Variants in ALK observed in about 807,000 individuals in gnomAD.
ALK encodes the protein ALK tyrosine kinase receptor.
ALK carries 74 observed loss-of-function variants against 163.1 expected under a neutral mutation model. The ratio of observed to expected loss-of-function variants is 0.45; its 90% confidence interval spans 0.38 to 0.55. ALK has a LOEUF of 0.55. Ranked by LOEUF, ALK falls within the 20% of genes least tolerant of loss-of-function variation. The probability of loss-of-function intolerance (pLI) is 0.00; values close to 1 mark genes in which losing one functional copy is unlikely to be tolerated. For missense variants in ALK, 2,063 were observed against 2,105.3 expected (o/e 0.98, Z 0.39); for synonymous variants, 960 against 843.2 (o/e 1.14, Z -2.40).
At position 29,920,183 on chromosome 2, in the gene ALK, C is replaced by T. The variant is rs770771709; in HGVS notation, c.477G>A (p.Gly159=). The T allele has an allele frequency of 1.9e-6, 3 of 1,613,338 alleles. No individual in the cohort carries two copies. Among genetic ancestry groups the T allele is most frequent in the African/African-American group, 1.3e-5 (1 of 74,956 alleles). The change falls in exon 1 of 29, where the codon GGG becomes GGA. Residue 159 remains glycine, a synonymous_variant. Transcript: ENST00000389048. ...AILEGCVGPP[G]EAAVGLLQFN... is the part of the protein sequence containing the mutation. Reference sequence around the variant, plus strand: ...ACTGGAGCAGCCCCACAGCCGCCTCCCCGGGGGGCCCGACGCAACCCTCCA... The same window carrying T: ...ACTGGAGCAGCCCCACAGCCGCCTCTCCGGGGGGCCCGACGCAACCCTCCA...
chr2:29,819,322 A>G (rs1222365304), intron 1 of ALK, among the ~76,000 whole-genome samples: 1 of 152,212 alleles, frequency 6.6e-6, no homozygotes, highest in Admixed American at 6.5e-5. Flanking sequence ...ACTACTGCCT[A>G]GGTTTGCTCT....
chr2:29,770,040 G>A (rs999467216), intron 1 of ALK, among the ~76,000 whole-genome samples: 1 of 152,240 alleles, frequency 6.6e-6, no homozygotes, highest in Admixed American at 6.5e-5. Flanking sequence ...CATTCAAGAA[G>A]CAGCTGGATC....
chr2:29,253,137 C>T (rs1172017853), intron 11 of ALK, among the ~76,000 whole-genome samples: 4 of 152,142 alleles, frequency 2.6e-5, no homozygotes, highest in Non-Finnish European at 5.9e-5. Context: ...GGATTATGGG[C>T]ATGAATTACC....
chr2:29,235,254 A>G (rs945674439), intron 13 of ALK, among the ~76,000 whole-genome samples: 2 of 152,244 alleles, frequency 1.3e-5, no homozygotes, highest in African/African-American at 4.8e-5. Context: ...CTTAATAGAA[A>G]AAAAGCCAGT....
At chr2:29,697,528 G>A (rs1004042138) in intron 2 of ALK, among the ~76,000 whole-genome samples, 3 of 152,150 alleles carry the variant, frequency 2.0e-5, no homozygotes, top group African/African-American at 4.8e-5. Flanking sequence ...GAAGAACTTT[G>A]CCATGGCGGG....
intron 12 of ALK, among the ~76,000 whole-genome samples, chr2:29,243,346 C>G (rs181881374): frequency 2.0e-5 from 3 of 152,316 alleles, no homozygotes; most frequent in African/African-American, 7.2e-5. Flanking sequence ...TTATTTACCC[C>G]CGCTCTGAGC....
intron 1 of ALK, among the ~76,000 whole-genome samples, chr2:29,730,209 T>C (rs989626068): frequency 6.6e-6 from 1 of 151,934 alleles, no homozygotes; most frequent in Non-Finnish European, 1.5e-5. Flanking sequence ...TGGGAGATGC[T>C]GGGATGTGAG....
At chr2:29,527,721 C>T (rs1284327954) in intron 4 of ALK, among the ~76,000 whole-genome samples, 2 of 152,084 alleles carry the variant, frequency 1.3e-5, no homozygotes, top group Non-Finnish European at 2.9e-5. Context: ...CGCTATGTTG[C>T]CCAGGCTGGT....
intron 3 of ALK, among the ~76,000 whole-genome samples, chr2:29,622,694 T>A (rs1227273320): frequency 6.6e-6 from 1 of 152,136 alleles, no homozygotes; most frequent in East Asian, 1.9e-4. Context: ...AATACCCAGT[T>A]CCTTGAAGTT....
chr2:29,244,995 A>G (rs1251294638), intron 12 of ALK, among the ~76,000 whole-genome samples: 1 of 151,740 alleles, frequency 6.6e-6, no homozygotes, highest in African/African-American at 2.4e-5. Flanking sequence ...GGCACACAGT[A>G]GGAGTGTTAT....
chr2:29,351,729 C>A (rs1044169170), intron 5 of ALK, among the ~76,000 whole-genome samples: 1 of 152,068 alleles, frequency 6.6e-6, no homozygotes, highest in African/African-American at 2.4e-5. Flanking sequence ...CTAATGTGGG[C>A]CAGGTATAAT....
rs187527324 is a variant in ALK, at chr2:29,207,605, T to G, written c.3837-333A>C. Among the ~76,000 whole-genome samples the G allele has an allele frequency of 1.9e-3, 297 of 152,360 alleles. 1 individual carries two copies. The highest frequency in any genetic ancestry group is 6.9e-3 in the African/African-American group (286 of 41,574). On this transcript the variant is annotated intron_variant, in intron 25 of 28. Coordinates refer to ENST00000389048, the MANE Select transcript of ALK (RefSeq NM_004304.5). Reference sequence around the variant, plus strand: ...AATGAATAACATTACTCCAACCTTATAAGTATAGTGTGTTTCTGATGATCT... The same window carrying G: ...AATGAATAACATTACTCCAACCTTAGAAGTATAGTGTGTTTCTGATGATCT...
chr2:29,628,610 T>G (rs1210924223), intron 3 of ALK, among the ~76,000 whole-genome samples: 1 of 152,228 alleles, frequency 6.6e-6, no homozygotes, highest in Non-Finnish European at 1.5e-5. Context: ...TGGTGTACAG[T>G]TCTATTTTAA....
intron 11 of ALK, 49 bp downstream of exon 11, chr2:29,275,050 T>G: frequency 1.2e-6 from 2 of 1,612,644 alleles, no homozygotes. Context: ...TTCTTCTGCC[T>G]TTTGCAACAA....
chr2:29,859,481 T>G (rs1666226139), intron 1 of ALK, among the ~76,000 whole-genome samples: 1 of 152,120 alleles, frequency 6.6e-6, no homozygotes, highest in South Asian at 2.1e-4. Context: ...CCCATATGTA[T>G]TAAATATTCA....
At chr2:29,763,086 C>CAAAA (rs1034835014) in intron 1 of ALK, among the ~76,000 whole-genome samples, 2 of 53,110 alleles carry the variant, frequency 3.8e-5, no homozygotes, top group Non-Finnish European at 8.1e-5. Flanking sequence ...GACTCCATCT[C>CAAAA]AAAAAAAAAA....
At chr2:29,548,004 G>A (rs1400078201) in intron 3 of ALK, among the ~76,000 whole-genome samples, 2 of 152,154 alleles carry the variant, frequency 1.3e-5, no homozygotes, top group Admixed American at 1.3e-4. Context: ...ACATTTAACT[G>A]GACATCCTGT....
chr2:29,629,962 C>A (rs1459806956), intron 3 of ALK, among the ~76,000 whole-genome samples: 1 of 152,156 alleles, frequency 6.6e-6, no homozygotes, highest in Non-Finnish European at 1.5e-5. Flanking sequence ...GTCTACCCGA[C>A]AAACAGATTC....
intron 4 of ALK, among the ~76,000 whole-genome samples, chr2:29,484,190 C>T (rs1671728440): frequency 6.6e-6 from 1 of 152,114 alleles, no homozygotes; most frequent in Non-Finnish European, 1.5e-5. Context: ...ACAGCCAAAC[C>T]ATATCATATA....
Sources: gnomAD v4.1 joint callset for allele counts (sites outside exome capture counted in the v4.1 genomes callset) on GRCh38, gnomAD v4.1.1 for gene constraint, MANE v1.5 for transcripts, NCBI Gene and HGNC (gene_info 2026-07-23, HGNC 2026-07-21) for gene names.